The following KAZN variants were observed in gnomAD, a reference collection of about 807,000 sequenced individuals.
The protein encoded by KAZN is kazrin, periplakin interacting protein, also known as kazrin.
A neutral mutation model predicts 87.4 loss-of-function variants in KAZN; 40 were observed. The observed-to-expected ratio is 0.46, with a 90% CI of 0.36 to 0.60. The LOEUF is 0.60. KAZN is among the 20% of genes least tolerant of loss of function. KAZN has a pLI of 0.00. For missense variants in KAZN, 898 were observed against 1,073.9 expected, an observed-to-expected ratio of 0.84 and a Z score of 2.29; for synonymous variants, 466 against 458.3, an observed-to-expected ratio of 1.02 and a Z score of -0.22.
chr1:14,639,560 G>T (rs893048691), intron 1 of KAZN, among the ~76,000 whole-genome samples: 2 of 152,096 alleles, frequency 1.3e-5, no homozygotes, highest in East Asian at 3.9e-4. Flanking sequence ...AGGGTGAGCC[G>T]GGCTTAGAAG....
chr1:14,359,245 G>GC (rs1163196472), intron 2 of KAZN, among the ~76,000 whole-genome samples: 22 of 151,914 alleles, frequency 1.4e-4, no homozygotes, highest in Non-Finnish European at 3.1e-4. Flanking sequence ...TACAAGCCCT[G>GC]CTTTTTTTTT....
chr1:14,345,076 A>T (rs1658013915), intron 2 of KAZN, among the ~76,000 whole-genome samples: 2 of 151,872 alleles, frequency 1.3e-5, no homozygotes, highest in Admixed American at 1.3e-4. Context: ...CCGCTACCAC[A>T]CCTGGCTAAT....
intron 1 of KAZN, among the ~76,000 whole-genome samples, chr1:14,663,880 A>T (rs1328566998): frequency 6.6e-6 from 1 of 152,234 alleles, no homozygotes; most frequent in East Asian, 1.9e-4. Flanking sequence ...ACTTCATACT[A>T]GTGTTATTTT....
intron 1 of KAZN, among the ~76,000 whole-genome samples, chr1:14,092,603 A>G (rs530561107): frequency 1.3e-5 from 2 of 152,032 alleles, no homozygotes; most frequent in Non-Finnish European, 1.5e-5. Context: ...ATATACACAC[A>G]TATATACATA....
At chr1:14,763,016 C>T (rs1199896712) in intron 1 of KAZN, among the ~76,000 whole-genome samples, 1 of 152,140 alleles carries the variant, frequency 6.6e-6, no homozygotes, top group African/African-American at 2.4e-5. Flanking sequence ...CATAACTTGG[C>T]AGTCTGTGAG....
chr1:14,323,451 T>C (rs115476940), intron 2 of KAZN, among the ~76,000 whole-genome samples: 1 of 152,258 alleles, frequency 6.6e-6, no homozygotes, highest in African/African-American at 2.4e-5. Flanking sequence ...AAGTTTCATT[T>C]AGGCATGACA....
At chr1:14,367,464 G>C (rs896398803) in intron 2 of KAZN, among the ~76,000 whole-genome samples, 1 of 152,114 alleles carries the variant, frequency 6.6e-6, no homozygotes, top group Non-Finnish European at 1.5e-5. Context: ...GGGACAGGAT[G>C]GGGGGCGGGC....
chr1:14,865,890 C>T (rs2101038239), intron 1 of KAZN, among the ~76,000 whole-genome samples: 1 of 152,246 alleles, frequency 6.6e-6, no homozygotes, highest in South Asian at 2.1e-4. Context: ...GAGGCAGCCA[C>T]AAGCCAAGGA....
chr1:14,449,011 C>A (rs951282545), intron 2 of KAZN, among the ~76,000 whole-genome samples: 4 of 152,182 alleles, frequency 2.6e-5, no homozygotes, highest in African/African-American at 9.7e-5. Context: ...AGAATCTGAT[C>A]TGCATTGAAG....
chr1:14,021,055 G>T (rs1640804023), intron 1 of KAZN, among the ~76,000 whole-genome samples: 1 of 152,174 alleles, frequency 6.6e-6, no homozygotes, highest in African/African-American at 2.4e-5. Flanking sequence ...GCCAAGCCAG[G>T]TTTCTCACCA....
intron 1 of KAZN, among the ~76,000 whole-genome samples, chr1:14,857,384 A>G (rs1650262057): frequency 6.6e-6 from 1 of 152,104 alleles, no homozygotes; most frequent in Non-Finnish European, 1.5e-5. Context: ...TCTGCTAAAA[A>G]TACAAAAATT....
chr1:14,266,610 T>C (rs1425243839), intron 2 of KAZN, among the ~76,000 whole-genome samples: 1 of 152,228 alleles, frequency 6.6e-6, no homozygotes, highest in Non-Finnish European at 1.5e-5. Context: ...AATTTACCCA[T>C]TTATTCCAGT....
intron 2 of KAZN, among the ~76,000 whole-genome samples, chr1:14,528,610 G>A (rs188672276): frequency 3.3e-5 from 5 of 151,584 alleles, no homozygotes; most frequent in South Asian, 2.1e-4. Flanking sequence ...CCAGGTTGGC[G>A]TCGTGGCACA....
At chr1:15,026,329 TCA>T (rs1671156413) in intron 2 of KAZN, among the ~76,000 whole-genome samples, 1 of 152,170 alleles carries the variant, frequency 6.6e-6, no homozygotes, top group Admixed American at 6.5e-5. Flanking sequence ...GTGGAGACGA[TCA>T]TGCACAGCTT....
chr1:14,234,685 G>A (rs149038121), intron 2 of KAZN, among the ~76,000 whole-genome samples: 20 of 152,322 alleles, frequency 1.3e-4, no homozygotes, highest in African/African-American at 4.8e-4. Flanking sequence ...AGCATGGGTA[G>A]CAGAGTCAAT....
At chr1:14,697,447 A>G (rs923172307) in intron 1 of KAZN, among the ~76,000 whole-genome samples, 8 of 152,212 alleles carry the variant, frequency 5.3e-5, no homozygotes, top group Admixed American at 2.0e-4. Flanking sequence ...AAGCATGCAC[A>G]ACTTTGTTTA....
intron 2 of KAZN, among the ~76,000 whole-genome samples, chr1:14,286,073 G>A (rs537432487): frequency 6.6e-6 from 1 of 152,216 alleles, no homozygotes; most frequent in Non-Finnish European, 1.5e-5. Context: ...GTCTGTATTA[G>A]TTTGCTGGAA....
chr1:14,466,331 G>GAA (rs35923619), intron 2 of KAZN, among the ~76,000 whole-genome samples: 45 of 150,632 alleles, frequency 3.0e-4, no homozygotes, highest in Middle Eastern at 3.4e-3. Context: ...TTTTTATAAG[G>GAA]AAAACAAAAA....
At chr1:14,470,281 A>G (rs1668383865) in intron 2 of KAZN, among the ~76,000 whole-genome samples, 1 of 150,944 alleles carries the variant, frequency 6.6e-6, no homozygotes, top group Admixed American at 6.6e-5. Flanking sequence ...CCTCCTTAGA[A>G]GAGGTGTTTT....
Sources: allele counts gnomAD v4.1 joint callset (sites outside exome capture counted in the v4.1 genomes callset), GRCh38; gene constraint gnomAD v4.1.1; transcripts MANE v1.5; gene names NCBI Gene and HGNC (gene_info 2026-07-23, HGNC 2026-07-21).